ACBD5: variants seen among roughly 807,000 people sequenced by gnomAD.
The protein encoded by ACBD5 is acyl-CoA binding domain containing 5.
In ACBD5, 40 loss-of-function variants were observed where a neutral mutation model predicts 71.8. The observed-to-expected ratio is 0.56, with a 90% CI of 0.43 to 0.72. The LOEUF (loss-of-function observed/expected upper bound fraction) is 0.72. Among genes scored for constraint, ACBD5 ranks in the 30% least tolerant of loss-of-function variants. The pLI is 0.00. For synonymous variants in ACBD5, 229 were observed against 218.6 expected, an observed-to-expected ratio of 1.05 and a Z score of -0.42; for missense variants, 559 against 644.5, an observed-to-expected ratio of 0.87 and a Z score of 1.44.
intron 8 of ACBD5, 88 bp downstream of exon 8, chr10:27,215,447 G>T: frequency 1.2e-6 from 1 of 820,522 alleles, no homozygotes; most frequent in Non-Finnish European, 2.0e-6. Context: ...ATGAAAAATA[G>T]CATGTATATT....
intron 2 of ACBD5, among the ~76,000 whole-genome samples, chr10:27,237,016 T>C (rs2064805366): frequency 6.6e-6 from 1 of 152,068 alleles, no homozygotes; most frequent in Admixed American, 6.6e-5. Flanking sequence ...GTATAATATA[T>C]GCACATTTAG....
At chr10:27,221,635 A>T (rs1469641910) in intron 5 of ACBD5, among the ~76,000 whole-genome samples, 3 of 152,018 alleles carry the variant, frequency 2.0e-5, no homozygotes. Flanking sequence ...TTTTTCTGGC[A>T]GGGTACAATT....
chr10:27,192,918 G>A (rs1051199361), downstream of ACBD5, among the ~76,000 whole-genome samples: 8 of 150,902 alleles, frequency 5.3e-5, no homozygotes, highest in African/African-American at 1.5e-4. Flanking sequence ...GCAGTGAGAC[G>A]AGATCACACC....
intron 4 of ACBD5, among the ~76,000 whole-genome samples, chr10:27,225,141 C>T (rs1215651525): frequency 2.7e-5 from 4 of 149,952 alleles, no homozygotes; most frequent in Middle Eastern, 3.4e-3. Context: ...TGCAGCGGCA[C>T]GATCTCGGCT....
upstream of ACBD5, chr10:27,240,947 G>A: frequency 3.3e-6 from 2 of 598,034 alleles, no homozygotes; most frequent in Non-Finnish European, 5.9e-6. The surrounding 1 kb of genome is among the most constrained non-coding windows in gnomAD (Gnocchi z 4.1). Flanking sequence ...CCCAGAGGAG[G>A]GTCCGGGAAG....
chr10:27,240,192 T>C lies in ACBD5; in HGVS notation c.181+127A>G. On this transcript the variant is annotated intron_variant, in intron 2 of 12. Coordinates refer to ENST00000396271, the MANE Select transcript of ACBD5 (RefSeq NM_145698.5). The surrounding 1 kb of genome is among the most constrained non-coding windows in gnomAD (Gnocchi z 4.1). Reference sequence around the variant, plus strand: ...AGGTAATTAATTCATATTCAATAGCTCCCCTTCCACTACATGGCTCCTACA... The same window carrying C: ...AGGTAATTAATTCATATTCAATAGCCCCCCTTCCACTACATGGCTCCTACA... 1 of 1,425,116 alleles carries C rather than the reference T, an allele frequency of 7.0e-7. No individual in the cohort carries two copies. The highest frequency in any genetic ancestry group is 1.2e-5 in the South Asian group (1 of 82,844). The allele number at this position is 1,425,116 out of a possible 1,614,324, so 88.3% of individuals were successfully genotyped here. A position where few individuals can be genotyped will look rare whatever the true frequency, so the allele number is the denominator to read the frequency against.
intron 13 of ACBD5, among the ~76,000 whole-genome samples, chr10:27,189,787 T>TAA (rs1491343635): frequency 1.4e-5 from 2 of 142,478 alleles, no homozygotes; most frequent in Admixed American, 7.0e-5. Context: ...TATATATATA[T>TAA]AAATAAACTT....
chr10:27,229,645 A>G (rs1167033801), intron 4 of ACBD5, among the ~76,000 whole-genome samples: 3 of 152,242 alleles, frequency 2.0e-5, no homozygotes, highest in African/African-American at 4.8e-5. Context: ...CAAATTCAAT[A>G]ATCAAATCTT....
chr10:27,198,142 T>C (rs788234), intron 12 of ACBD5, among the ~76,000 whole-genome samples: 151,688 of 152,314 alleles, frequency 1, 75,534 homozygotes, highest in Middle Eastern at 1. Flanking sequence ...TTAATCAACA[T>C]GGATTATGTT....
At chr10:27,213,688 C>T (rs1047396240) in intron 8 of ACBD5, among the ~76,000 whole-genome samples, 4 of 151,644 alleles carry the variant, frequency 2.6e-5, no homozygotes, top group Admixed American at 6.6e-5. Context: ...ACCCAGGAGG[C>T]GGAGGTTGCA....
intron 4 of ACBD5, among the ~76,000 whole-genome samples, chr10:27,228,791 T>TA (rs2063411422): frequency 5.4e-4 from 12 of 22,138 alleles, no homozygotes; most frequent in African/African-American, 9.6e-4. Context: ...CCTATTATGT[T>TA]TATATATATA....
chr10:27,198,188 C>T (rs2059550109), intron 12 of ACBD5, among the ~76,000 whole-genome samples: 1 of 152,170 alleles, frequency 6.6e-6, no homozygotes, highest in African/African-American at 2.4e-5. Flanking sequence ...AGGCCCTGGG[C>T]ATTCAGAGAT....
At chr10:27,238,640 C>T (rs1301650374) in intron 2 of ACBD5, among the ~76,000 whole-genome samples, 1 of 152,062 alleles carries the variant, frequency 6.6e-6, no homozygotes, top group African/African-American at 2.4e-5. Flanking sequence ...AAGGTTCAGA[C>T]AACACCATAG....
intron 8 of ACBD5, among the ~76,000 whole-genome samples, chr10:27,214,868 A>G (rs2061456635): frequency 6.6e-6 from 1 of 152,194 alleles, no homozygotes; most frequent in Non-Finnish European, 1.5e-5. Context: ...CAACATATCA[A>G]GAACCCATTT....
intron 2 of ACBD5, among the ~76,000 whole-genome samples, chr10:27,235,904 G>A (rs1176141000): frequency 2.0e-5 from 3 of 152,104 alleles, no homozygotes; most frequent in East Asian, 3.9e-4. Context: ...CCTGACCCCA[G>A]GAGTTCAAGG....
At chr10:27,200,825 G>A (rs2059846788) in intron 12 of ACBD5, among the ~76,000 whole-genome samples, 1 of 152,034 alleles carries the variant, frequency 6.6e-6, no homozygotes, top group Non-Finnish European at 1.5e-5. Context: ...TTTTTCTTGT[G>A]TGAGATCCAA....
intron 7 of ACBD5, among the ~76,000 whole-genome samples, chr10:27,216,701 A>G (rs1191240133): frequency 2.0e-5 from 3 of 152,202 alleles, no homozygotes; most frequent in Admixed American, 6.5e-5. Flanking sequence ...TTTTATTTGA[A>G]AAGATTACAA....
rs746920760 is a variant in ACBD5, at chr10:27,208,294, C to G, written c.1356G>C (p.Gln452His). The G allele has an allele frequency of 2.0e-5, 32 of 1,614,082 alleles. No homozygotes were observed. The highest frequency in any genetic ancestry group is 2.7e-5 in the African/African-American group (2 of 74,930). The change falls in exon 10 of 13, where the codon CAG becomes CAC. Residue 452 changes from glutamine to histidine, a missense_variant. By Grantham distance (24) the Gln-to-His change is conservative. Transcript: ENST00000396271. The part of the protein sequence containing the change: ...LVLMRLQEDM[Q>H]NVLQRLQKLE... The stretch of plus-strand genomic sequence containing the variant: ...GTTTCTGCAGTCTCTGAAGGACATT[C>G]TGCATGTCCTCCTGCAGTCTCATCA...
At chr10:27,241,144 G>A (rs1356539286), upstream of ACBD5, among the ~76,000 whole-genome samples, 1 of 152,220 alleles carries the variant, frequency 6.6e-6, no homozygotes, top group Non-Finnish European at 1.5e-5. Context: ...GCACCGCTGG[G>A]CAACAAAAAT....
Sources: gnomAD v4.1 joint callset for allele counts (sites outside exome capture counted in the v4.1 genomes callset) on GRCh38, gnomAD v4.1.1 for gene constraint, Gnocchi (gnomAD v3.1) non-coding constraint, MANE v1.5 for transcripts, NCBI Gene and HGNC (gene_info 2026-07-23, HGNC 2026-07-21) for gene names.